Variants in ZNF385D observed in about 807,000 individuals in gnomAD.
ZNF385D encodes zinc finger protein 385D.
ZNF385D carries 15 observed loss-of-function variants against 35.8 expected under a neutral mutation model. The observed-to-expected ratio is 0.42, with a 90% CI of 0.28 to 0.64. ZNF385D has a LOEUF of 0.64. ZNF385D is among the 30% of genes least tolerant of loss of function. The pLI is 0.23. For synonymous variants in ZNF385D, 212 were observed against 186.8 expected (o/e 1.13, Z -1.10); for missense variants, 474 against 494.6 (o/e 0.96, Z 0.39).
In ZNF385D at chr3:22,334,542, C is replaced by A. The variant is rs564001985; in HGVS notation, c.106+37908G>T. ...TCATTATACTTCTGACTGAAATGTG[C>A]GTGTTCTGGTGATGAATTCTCTCAA... On this transcript the variant is annotated intron_variant, in intron 2 of 5. Coordinates refer to the ZNF385D transcript ENST00000494108. Among the ~76,000 whole-genome samples, 249 of 152,134 alleles carry A rather than the reference C, an allele frequency of 1.6e-3. 4 individuals carry two copies. In the South Asian group the frequency reaches 0.05, roughly 31 times the overall value.
intron 2 of ZNF385D, among the ~76,000 whole-genome samples, chr3:21,605,568 A>G (rs1458453526): frequency 6.6e-6 from 1 of 152,196 alleles, no homozygotes; most frequent in Non-Finnish European, 1.5e-5. Flanking sequence ...TTTCCTAATC[A>G]CACTAACTAA....
intron 3 of ZNF385D, among the ~76,000 whole-genome samples, chr3:21,848,915 A>G (rs2630804): frequency 0.45 from 67,768 of 151,874 alleles, 15,402 homozygotes; most frequent in South Asian, 0.5. Context: ...ATAGTCTTCT[A>G]TCTTAGAACA....
intron 3 of ZNF385D, among the ~76,000 whole-genome samples, chr3:21,524,766 T>C (rs969823444): frequency 2.0e-5 from 3 of 152,092 alleles, no homozygotes; most frequent in Non-Finnish European, 2.9e-5. Context: ...GGAATTAACA[T>C]TTACGGAAAT....
At chr3:21,532,248 G>T (rs2061942654) in intron 3 of ZNF385D, among the ~76,000 whole-genome samples, 1 of 152,112 alleles carries the variant, frequency 6.6e-6, no homozygotes, top group Non-Finnish European at 1.5e-5. Flanking sequence ...TCCTTGGTGA[G>T]ATCATGAGCT....
At chr3:22,115,925 C>G (rs1702787467) in intron 3 of ZNF385D, among the ~76,000 whole-genome samples, 1 of 152,088 alleles carries the variant, frequency 6.6e-6, no homozygotes, top group East Asian at 1.9e-4. Flanking sequence ...ATGCCTATAC[C>G]AAAAGCTGTC....
At chr3:22,091,902 G>T (rs1214249974) in intron 3 of ZNF385D, among the ~76,000 whole-genome samples, 1 of 152,154 alleles carries the variant, frequency 6.6e-6, no homozygotes, top group Non-Finnish European at 1.5e-5. Flanking sequence ...AGTATTTAGT[G>T]GAACTGTGGT....
Position 22,368,851 on chromosome 3 carries a change from A to C in ZNF385D, c.106+3599T>G, listed in dbSNP as rs530999124. 2.0e-5 allele frequency among the ~76,000 whole-genome samples: 3 copies of C among 152,312 alleles called. No homozygotes were observed. The South Asian group carries it at 6.2e-4, about 32-fold the overall frequency. On this transcript the variant is annotated intron_variant, in intron 2 of 5. Coordinates refer to the ZNF385D transcript ENST00000494108. ...ATTCAATCCATAGCAGGAAGACATC[A>C]CTAGCTTTACCAGGCTCTAAAAAAG...
At chr3:21,836,018 G>A (rs537754239) in intron 3 of ZNF385D, among the ~76,000 whole-genome samples, 1 of 152,026 alleles carries the variant, frequency 6.6e-6, no homozygotes, top group East Asian at 1.9e-4. Context: ...GATCAGACAG[G>A]TAAAGAAAAT....
chr3:21,657,696 CT>C (rs57579176), intron 2 of ZNF385D, among the ~76,000 whole-genome samples: 36,567 of 151,140 alleles, frequency 0.24, 4,652 homozygotes, highest in East Asian at 0.33. Context: ...GAAAGACAGG[CT>C]TTTTTTTTAC....
chr3:21,821,463 A>T (rs1432178046), intron 3 of ZNF385D, among the ~76,000 whole-genome samples: 1 of 152,232 alleles, frequency 6.6e-6, no homozygotes, highest in East Asian at 1.9e-4. Flanking sequence ...AGAATTAAAA[A>T]ATACAGCAAA....
chr3:21,559,864 C>A (rs538124687), intron 3 of ZNF385D, among the ~76,000 whole-genome samples: 98 of 152,238 alleles, frequency 6.4e-4, no homozygotes, highest in African/African-American at 2.4e-3. Flanking sequence ...TGTTTCTTTT[C>A]ATTCTTTTTT....
intron 3 of ZNF385D, among the ~76,000 whole-genome samples, chr3:21,893,286 C>T (rs1033930795): frequency 3.3e-5 from 5 of 152,168 alleles, no homozygotes; most frequent in African/African-American, 1.2e-4. Flanking sequence ...ACACATCATT[C>T]CAAATATGAA....
intron 3 of ZNF385D, among the ~76,000 whole-genome samples, chr3:22,142,219 G>C (rs895684886): frequency 3.9e-5 from 6 of 152,106 alleles, no homozygotes; most frequent in African/African-American, 1.4e-4. Context: ...TTCTTTACTA[G>C]TGTTTTTACT....
intron 3 of ZNF385D, among the ~76,000 whole-genome samples, chr3:21,556,062 G>GTTTTTTTTTTTTT (rs1362972751): frequency 1.1e-5 from 1 of 93,140 alleles, no homozygotes; most frequent in South Asian, 3.3e-4. Context: ...CGTTTTTTTT[G>GTTTTTTTTTTTTT]TTTTTGTTTT....
chr3:22,047,637 T>G (rs2125520156), intron 3 of ZNF385D, among the ~76,000 whole-genome samples: 1 of 152,228 alleles, frequency 6.6e-6, no homozygotes, highest in Middle Eastern at 3.4e-3. Flanking sequence ...TTTTCTTTAT[T>G]CATTCATCAT....
intron 3 of ZNF385D, among the ~76,000 whole-genome samples, chr3:21,532,075 A>AAGAG (rs71266440): frequency 2.8e-4 from 42 of 150,908 alleles, no homozygotes; most frequent in African/African-American, 9.2e-4. Context: ...GGGAGAGAGA[A>AAGAG]AGAGAGAGAG....
At chr3:21,722,794 A>G (rs530491697) in intron 1 of ZNF385D, among the ~76,000 whole-genome samples, 1 of 152,358 alleles carries the variant, frequency 6.6e-6, no homozygotes, top group African/African-American at 2.4e-5. Flanking sequence ...AGAACTTGCA[A>G]GTGACCCTGA....
intron 3 of ZNF385D, chr3:21,959,067 T>C (rs1328308547): frequency 6.6e-6 from 1 of 152,212 alleles, no homozygotes; most frequent in East Asian, 1.9e-4. Flanking sequence ...GTTAATAAAG[T>C]TACTTTTAAA....
At chr3:22,218,166 A>C (rs1363180065) in intron 2 of ZNF385D, among the ~76,000 whole-genome samples, 1 of 152,044 alleles carries the variant, frequency 6.6e-6, no homozygotes, top group Non-Finnish European at 1.5e-5. Flanking sequence ...AATTTCATCA[A>C]ATCTTTAGAT....
Sources: allele counts gnomAD v4.1 joint callset (sites outside exome capture counted in the v4.1 genomes callset), GRCh38; gene constraint gnomAD v4.1.1; transcripts MANE v1.5; gene names NCBI Gene and HGNC (gene_info 2026-07-23, HGNC 2026-07-21).